The following TTN variants were observed in gnomAD, a reference collection of about 807,000 sequenced individuals.
TTN encodes the protein connectin.
TTN carries 1,525 observed loss-of-function variants against 3,223.0 expected under a neutral mutation model. The ratio of observed to expected loss-of-function variants is 0.47; its 90% CI spans 0.45 to 0.49. The LOEUF (loss-of-function observed/expected upper bound fraction) is 0.49, where lower values mean the gene tolerates loss of function less well. Among genes scored for constraint, TTN ranks in the 20% least tolerant of loss-of-function variants. TTN has a pLI of 0.00. For synonymous variants in TTN, 14,094 were observed against 15,161.0 expected (o/e 0.93, Z 5.17); for missense variants, 40,786 against 43,424.0 (o/e 0.94, Z 5.40).
In TTN at chr2:178,552,691, T is replaced by C. The variant is rs781508633; in HGVS notation, c.90209A>G (p.Lys30070Arg). ...SVITEYVVER[K>R]GKGEQTWSHA... ...GGACCACGTCTGTTCACCTTTACCT[T>C]TCCTTTCTACAACATATTCTGTGAT... The change falls in exon 335 of 363, where the codon AAA (lysine) becomes AGA (arginine). Residue 30070 changes from lysine (K) to arginine (R), a missense_variant. Lys to Arg is a conservative substitution (Grantham distance 26). Coordinates refer to ENST00000589042, the MANE Select transcript of TTN (RefSeq NM_001267550.2). The C allele has an allele frequency of 2.5e-6, 4 of 1,613,930 alleles. No homozygotes were observed. The South Asian group carries it at 3.3e-5, about 13-fold the overall frequency.
In TTN at chr2:178,706,705, A is replaced by G. The variant is rs750700619; in HGVS notation, c.29169T>C (p.Gly9723=). The part of the protein sequence containing the change: ...TTATFIAKVG[G]DPIPNVKWTK... ...TCCATTTAACATTTGGGATTGGGTCACCTCCAACTTTTGCAATGAAGGTCG... is the reference window on the plus strand; with the variant it reads ...TCCATTTAACATTTGGGATTGGGTCGCCTCCAACTTTTGCAATGAAGGTCG... Residue 9723 remains glycine, a synonymous_variant, in exon 102 of 363, where the codon GGT becomes GGC. Coordinates refer to ENST00000589042, the MANE Select transcript of TTN (RefSeq NM_001267550.2). The G allele has an allele frequency of 6.2e-7, 1 of 1,610,430 alleles. No homozygotes were observed. The highest frequency in any genetic ancestry group is 8.5e-7 in the Non-Finnish European group (1 of 1,177,350).
At chr2:178,578,557 A>G in intron 321 of TTN, 54 bp downstream of exon 321, 3 of 1,368,010 alleles carry the variant, frequency 2.2e-6, no homozygotes, top group Non-Finnish European at 3.1e-6. Context: ...TCTCAGGGAA[A>G]TATTTGTGAG....
rs776808034 is a variant in TTN, at chr2:178,562,678, A to G, written c.83454T>C (p.Asn27818=). 1 of 1,596,054 alleles carries G rather than the reference A, an allele frequency of 6.3e-7. No homozygotes were observed. Among genetic ancestry groups the G allele is most frequent in the East Asian group, 2.2e-5 (1 of 44,690 alleles). ...TTCTGAAAGTAGTTTTAGTGCAATT[A>G]TTTGTAATGGTAGCATAGGCTTTTC... ...TTRKAYATIT[N]NCTKTTFRIE... Residue 27818 remains asparagine (N), a synonymous_variant, in exon 326 of 363, where the codon AAT becomes AAC. Transcript: ENST00000589042.
At chr2:178,697,305 A>G (rs1388716711) in intron 112 of TTN, 137 bp from the exon 113 acceptor site, 5 of 648,780 alleles carry the variant, frequency 7.7e-6, no homozygotes, top group African/African-American at 7.7e-5. Flanking sequence ...TCCAGGAATC[A>G]TAATAATGCT....
At position 178,617,318 on chromosome 2, in the gene TTN, G is replaced by C; in HGVS notation, c.47760+7C>G. The stretch of plus-strand genomic sequence containing the variant: ...TGAATATTCTTTTTTATATGCAAAT[G>C]ACCTACCTTGTAAGTCAGTTCAGGG... On this transcript the variant is annotated splice_region_variant and intron_variant, in intron 254 of 362. Transcript: ENST00000589042. 1 of 1,563,236 alleles carries C rather than the reference G, an allele frequency of 6.4e-7. No homozygotes were observed. The highest frequency in any genetic ancestry group is 8.6e-7 in the Non-Finnish European group (1 of 1,158,728).
Position 178,545,524 on chromosome 2 carries a change from C to G in TTN, c.95586G>C (p.Val31862=), listed in dbSNP as rs566183763. Residue 31862 remains valine (V), a synonymous_variant, in exon 344 of 363, where the codon GTG becomes GTC. Transcript: ENST00000589042. The part of the protein sequence containing the change: ...LRWTRVNKDY[V]VYDTRLKVTS... ...TCACCTTCAGCCTGGTATCATACAC[C>G]ACATAGTCTTTGTTGACACGTGTCC... 1 of 1,613,694 alleles carries G rather than the reference C, an allele frequency of 6.2e-7. No individual in the cohort carries two copies. Among genetic ancestry groups the G allele is most frequent in the African/African-American group, 1.3e-5 (1 of 75,020 alleles).
In TTN at chr2:178,693,717, G is replaced by C. The variant is rs761437585; in HGVS notation, c.31514-28C>G. 16 of 1,515,792 alleles carry C rather than the reference G, an allele frequency of 1.1e-5. No homozygotes were observed. The South Asian group carries it at 1.9e-4, about 18-fold the overall frequency. 93.9% of individuals were successfully genotyped at this position (1,515,792 alleles called of 1,614,324 possible). On this transcript the variant is annotated intron_variant, in intron 118 of 362. Coordinates refer to ENST00000589042, the MANE Select transcript of TTN (RefSeq NM_001267550.2). The stretch of plus-strand genomic sequence containing the variant: ...TAAAAAAATGTACATTTTAATTACT[G>C]ATATGCCATGTTGTGGGTGGTAATT...
At position 178,562,059 on chromosome 2, in the gene TTN, C is replaced by T. The variant is rs372956981; in HGVS notation, c.84073G>A (p.Ala28025Thr). The change falls in exon 326 of 363, where the codon GCT (alanine) becomes ACT (threonine). Residue 28025 changes from alanine (A) to threonine (T), a missense_variant. Physicochemically the swap from Ala to Thr is moderately conservative, Grantham distance 58. Transcript: ENST00000589042. ...KTVTSLSIKE[A>T]SKEDVGTYEL... ...TAAGTTCCAACATCTTCCTTTGAAG[C>T]TTCCTTAATAGATAGTGATGTTACA... is the stretch of plus-strand genomic sequence containing the variant. 9.3e-6 allele frequency: 15 copies of T among 1,613,254 alleles called. No homozygotes were observed. The highest frequency in any genetic ancestry group is 4.0e-5 in the African/African-American group (3 of 74,908).
Position 178,652,271 on chromosome 2 carries a change from G to A in TTN, c.39204C>T (p.Pro13068=). The A allele has an allele frequency of 1.2e-6, 2 of 1,613,578 alleles. No individual in the cohort carries two copies. The highest frequency in any genetic ancestry group is 1.7e-6 in the Non-Finnish European group (2 of 1,179,682). The change falls in exon 203 of 363, where the codon CCC becomes CCT. Residue 13068 remains proline, a synonymous_variant. Coordinates refer to ENST00000589042, the MANE Select transcript of TTN (RefSeq NM_001267550.2). ...VPPPKKPEVP[P]TKVPEVPKVA... ...CACCATGAGGGTGTCTACCTTTTGT[G>A]GGTGGCACTTCAGGCTTTTTAGGAG...
rs1168987872 is a variant in TTN, at chr2:178,800,654, T to C, written c.324A>G (p.Gln108=). Residue 108 remains glutamine, a synonymous_variant, in exon 4 of 363, where the codon CAA becomes CAG. Transcript: ENST00000589042. The stretch of plus-strand genomic sequence containing the variant: ...GTCTCACGGTCATGCTCTGCAGTCG[T>C]TGAACGAAGTTGGGTGGTGCTGTCT... ...KAETAPPNFV[Q]RLQSMTVRQG... 13 of 1,609,826 alleles carry C rather than the reference T, an allele frequency of 8.1e-6. No individual in the cohort carries two copies. Among genetic ancestry groups the C allele is most frequent in the Non-Finnish European group, 1.1e-5 (13 of 1,177,806 alleles).
chr2:178,678,424 TG>T lies in TTN; in HGVS notation c.33899del (p.Pro11300HisfsTer44). ...PVPAPKKVEA[P>X]PAKVPEVPKK... ...GATGAAATTATGTACCTTTTGCAGG[TG>T]GAGCCTCCACTTTCTTAGGAGCAGG... is the stretch of plus-strand genomic sequence containing the variant. On this transcript the variant is annotated frameshift_variant, in exon 144 of 363. Transcript: ENST00000589042. LOFTEE classifies it high-confidence loss of function. 6.3e-7 allele frequency: 1 copy of T among 1,588,390 alleles called. No homozygotes were observed. The highest frequency in any genetic ancestry group is 1.2e-5 in the South Asian group (1 of 86,550).
intron 242 of TTN, among the ~76,000 whole-genome samples, chr2:178,623,533 G>A (rs999773441): frequency 2.6e-5 from 4 of 151,888 alleles, no homozygotes; most frequent in African/African-American, 9.7e-5. Flanking sequence ...TGTCTAATAG[G>A]TTTGAAAATA....
intron 43 of TTN, among the ~76,000 whole-genome samples, chr2:178,759,462 C>T (rs1309988782): frequency 2.0e-5 from 3 of 152,110 alleles, no homozygotes; most frequent in Admixed American, 6.6e-5. Context: ...GCATGTCATG[C>T]AGTGGAAGCA....
Position 178,562,896 on chromosome 2 carries a change from G to A in TTN, c.83236C>T (p.Leu27746=). Residue 27746 remains leucine (L), a synonymous_variant, in exon 326 of 363, where the codon CTG becomes TTG. Coordinates refer to ENST00000589042, the MANE Select transcript of TTN (RefSeq NM_001267550.2). ...GAGCCACTATTATTTTCTAATGTCA[G>A]ATTATACCGACCACTGTCAAATCTG... ...VTRFDSGRYN[L]TLENNSGSKT... 1 of 1,613,434 alleles carries A rather than the reference G, an allele frequency of 6.2e-7. No homozygotes were observed. The highest frequency in any genetic ancestry group is 1.3e-5 in the African/African-American group (1 of 75,012).
chr2:178,594,568 T>C lies in TTN; in HGVS notation c.57926A>G (p.Lys19309Arg). 3 of 1,613,148 alleles carry C rather than the reference T, an allele frequency of 1.9e-6. No homozygotes were observed. The highest frequency in any genetic ancestry group is 1.1e-5 in the South Asian group (1 of 90,966). ...NTVTLTWNPP[K>R]YDGGSEIINY... ...AATAATTTCTGACCCACCATCATAC[T>C]TAGGAGGATTCCAAGTCAAAGTTAC... is the stretch of plus-strand genomic sequence containing the variant. Residue 19309 changes from lysine to arginine, a missense_variant, in exon 296 of 363, where the codon AAG (lysine) becomes AGG (arginine). Coordinates refer to ENST00000589042, the MANE Select transcript of TTN (RefSeq NM_001267550.2).
Position 178,777,153 on chromosome 2 carries a change from T to C in TTN, c.4810A>G (p.Ile1604Val), listed in dbSNP as rs1382643483. Reference protein sequence around the residue: ...DIIVPHKYPKIRIEGTKGEAA... With the variant: ...DIIVPHKYPKVRIEGTKGEAA... ...CTTTATTATTTCCATACTTACCTGA[T>C]TTTGGGATATTTATGAGGCACAATG... The change falls in exon 27 of 363, where the codon ATC becomes GTC. Residue 1604 changes from isoleucine to valine, a missense_variant. Ile to Val is a conservative substitution (Grantham distance 29). Transcript: ENST00000589042. 6.2e-7 allele frequency: 1 copy of C among 1,614,092 alleles called. No individual in the cohort carries two copies. Among genetic ancestry groups the C allele is most frequent in the Admixed American group, 1.7e-5 (1 of 60,024 alleles).
At chr2:178,539,340 C>T (rs1282255138) in intron 352 of TTN, 42 bp downstream of exon 352, 10 of 1,596,268 alleles carry the variant, frequency 6.3e-6, no homozygotes, top group Non-Finnish European at 8.6e-6. Flanking sequence ...CAGAAAAGTG[C>T]TGAAATAATG....
At position 178,552,550 on chromosome 2, in the gene TTN, A is replaced by G. The variant is rs1446752513; in HGVS notation, c.90350T>C (p.Ile30117Thr). ...AAGTTCTTTCACTGTAATTGGCCCAATAGTGACAGGATCACTCAGTCCTTT... is the reference window on the plus strand; with the variant it reads ...AAGTTCTTTCACTGTAATTGGCCCAGTAGTGACAGGATCACTCAGTCCTTT... Reference protein sequence around the residue: ...NEKGLSDPVTIGPITVKELII... With the variant: ...NEKGLSDPVTTGPITVKELII... Residue 30117 changes from isoleucine (I) to threonine (T), a missense_variant, in exon 335 of 363, where the codon ATT becomes ACT. Ile to Thr is a moderately conservative substitution (Grantham distance 89, BLOSUM62 -1). Transcript: ENST00000589042. 8 of 1,613,688 alleles carry G rather than the reference A, an allele frequency of 5.0e-6. No individual in the cohort carries two copies. The highest frequency in any genetic ancestry group is 2.2e-5 in the East Asian group (1 of 44,822).
At chr2:178,554,827 C>T (rs758394755) in intron 331 of TTN, 38 bp downstream of exon 331, 1 of 1,612,818 alleles carries the variant, frequency 6.2e-7, no homozygotes, top group Non-Finnish European at 8.5e-7. Context: ...AAGCTTTAGG[C>T]AAATGTAATA....
Sources: gnomAD v4.1 joint callset for allele counts (sites outside exome capture counted in the v4.1 genomes callset) on GRCh38, gnomAD v4.1.1 for gene constraint, MANE v1.5 for transcripts, NCBI Gene and HGNC (gene_info 2026-07-23, HGNC 2026-07-21) for gene names.